RAP1A: variants seen among roughly 807,000 people sequenced by gnomAD.
RAP1A encodes RAP1A, member of RAS oncogene family.
In RAP1A, 6 loss-of-function variants were observed where a neutral mutation model predicts 26.4. The ratio of observed to expected loss-of-function variants is 0.23; its 90% confidence interval spans 0.12 to 0.45. The LOEUF (loss-of-function observed/expected upper bound fraction) is 0.45, where lower values mean the gene tolerates loss of function less well. Among genes scored for constraint, RAP1A ranks in the 20% least tolerant of loss-of-function variants. The pLI is 0.99. For synonymous variants in RAP1A, 73 were observed against 79.4 expected (o/e 0.92, Z 0.43); for missense variants, 121 against 217.2 (o/e 0.56, Z 2.78).
At chr1:111,604,376 A>G (rs1046735278) in intron 1 of RAP1A, 8 of 152,156 alleles carry the variant, frequency 5.3e-5, no homozygotes, top group African/African-American at 1.9e-4. Flanking sequence ...CACCTGCTCA[A>G]TGCTTCCCCT....
intron 7 of RAP1A, among the ~76,000 whole-genome samples, chr1:111,711,074 C>T (rs926119282): frequency 3.9e-5 from 6 of 152,088 alleles, no homozygotes; most frequent in Admixed American, 2.6e-4. Context: ...TCAGGTGATC[C>T]GATCCACCTG....
intron 1 of RAP1A, among the ~76,000 whole-genome samples, chr1:111,594,015 A>G (rs1284320915): frequency 6.6e-6 from 1 of 152,194 alleles, no homozygotes; most frequent in Non-Finnish European, 1.5e-5. Context: ...GCTTACAAAC[A>G]GAGGAAAACA....
chr1:111,700,573 T>G (rs535472817), intron 4 of RAP1A, among the ~76,000 whole-genome samples: 19 of 152,336 alleles, frequency 1.2e-4, no homozygotes, highest in African/African-American at 4.6e-4. Flanking sequence ...GCATAAGGTT[T>G]GGAGGTGACA....
intron 1 of RAP1A, among the ~76,000 whole-genome samples, chr1:111,631,760 T>G (rs903138996): frequency 6.6e-6 from 1 of 152,210 alleles, no homozygotes; most frequent in Non-Finnish European, 1.5e-5. Flanking sequence ...GAAAATTTCT[T>G]CAGAAATAAA....
chr1:111,576,687 C>T (rs1027568965), intron 1 of RAP1A, among the ~76,000 whole-genome samples: 7 of 152,096 alleles, frequency 4.6e-5, no homozygotes, highest in Admixed American at 1.3e-4. Context: ...CTGTTTGCTC[C>T]GGCTAGCTAA....
At chr1:111,577,211 TG>T (rs1658163682) in intron 1 of RAP1A, among the ~76,000 whole-genome samples, 1 of 152,010 alleles carries the variant, frequency 6.6e-6, no homozygotes, top group African/African-American at 2.4e-5. Flanking sequence ...GAGACCAGCC[TG>T]GTCAACATGG....
intron 1 of RAP1A, among the ~76,000 whole-genome samples, chr1:111,687,100 T>C (rs1168717263): frequency 6.6e-6 from 1 of 152,154 alleles, no homozygotes; most frequent in Non-Finnish European, 1.5e-5. Flanking sequence ...TGTGATTTCC[T>C]TTCAATTCTA....
chr1:111,681,696 C>T (rs524291), intron 1 of RAP1A, among the ~76,000 whole-genome samples: 42,776 of 151,986 alleles, frequency 0.28, 6,362 homozygotes, highest in East Asian at 0.36. Flanking sequence ...AAATGTGGGA[C>T]TATGTGAAAA....
Position 111,638,484 on chromosome 1 carries a change from C to T in RAP1A, c.-28+18550C>T, listed in dbSNP as rs74969102. Among the ~76,000 whole-genome samples the T allele has an allele frequency of 1.0e-3, 155 of 152,226 alleles. 2 individuals are homozygous for T. In the East Asian group the frequency reaches 0.02, roughly 20 times the overall value. On this transcript the variant is annotated intron_variant, in intron 1 of 7. Transcript: ENST00000369709. ...TGAGACAGAATCTTAATCCTACCCC[C>T]GGGCTAGGGTGCTGTGGCAGGGTCA...
intron 1 of RAP1A, among the ~76,000 whole-genome samples, chr1:111,547,040 A>G (rs1442141946): frequency 6.6e-6 from 1 of 152,220 alleles, no homozygotes; most frequent in Non-Finnish European, 1.5e-5. Context: ...TTGTGCATCA[A>G]ATTATTTTCC....
intron 1 of RAP1A, among the ~76,000 whole-genome samples, chr1:111,593,080 G>A (rs946268860): frequency 5.9e-5 from 9 of 152,122 alleles, no homozygotes; most frequent in Non-Finnish European, 1.0e-4. Flanking sequence ...AGCTGAGTGG[G>A]TGGAGGGGGC....
chr1:111,705,481 G>T (rs1314561057), intron 6 of RAP1A, among the ~76,000 whole-genome samples: 1 of 151,940 alleles, frequency 6.6e-6, no homozygotes, highest in Non-Finnish European at 1.5e-5. Flanking sequence ...CACCTGGCAG[G>T]TAAAAAAAAA....
At chr1:111,693,075 C>A (rs1326699636) in intron 2 of RAP1A, among the ~76,000 whole-genome samples, 2 of 152,186 alleles carry the variant, frequency 1.3e-5, no homozygotes, top group African/African-American at 4.8e-5. Flanking sequence ...GAGTACCTCT[C>A]AACCTTTAGA....
intron 1 of RAP1A, among the ~76,000 whole-genome samples, chr1:111,572,748 T>A (rs749746300): frequency 3.9e-5 from 6 of 152,208 alleles, no homozygotes; most frequent in Admixed American, 6.5e-5. Flanking sequence ...TTTCTCTTTT[T>A]TTAACTTTTA....
chr1:111,547,359 T>C (rs1360077226), intron 1 of RAP1A, among the ~76,000 whole-genome samples: 2 of 152,110 alleles, frequency 1.3e-5, no homozygotes, highest in South Asian at 2.1e-4. Context: ...ATGATTTTTT[T>C]CCCTTTATCC....
chr1:111,547,120 A>G (rs1657060810), intron 1 of RAP1A, among the ~76,000 whole-genome samples: 1 of 152,172 alleles, frequency 6.6e-6, no homozygotes, highest in Non-Finnish European at 1.5e-5. Flanking sequence ...TTGGTCTTGT[A>G]TCCTTCAACT....
intron 1 of RAP1A, among the ~76,000 whole-genome samples, chr1:111,670,778 A>G (rs557718631): frequency 1.3e-5 from 2 of 152,322 alleles, no homozygotes; most frequent in African/African-American, 4.8e-5. Flanking sequence ...TAAAAGAGAG[A>G]AAAGTGCACA....
intron 6 of RAP1A, among the ~76,000 whole-genome samples, chr1:111,707,169 G>A (rs1045499535): frequency 6.6e-6 from 1 of 152,050 alleles, no homozygotes; most frequent in Non-Finnish European, 1.5e-5. Context: ...GAATGGAGCA[G>A]AAAGAAAAGA....
chr1:111,618,645 A>C (rs1418287833), upstream of RAP1A, among the ~76,000 whole-genome samples: 1 of 152,138 alleles, frequency 6.6e-6, no homozygotes, highest in East Asian at 1.9e-4. Flanking sequence ...TAAACATAAC[A>C]TGTGTAAGAA....
Sources: allele counts gnomAD v4.1 joint callset (sites outside exome capture counted in the v4.1 genomes callset), GRCh38; gene constraint gnomAD v4.1.1; transcripts MANE v1.5; gene names NCBI Gene and HGNC (gene_info 2026-07-23, HGNC 2026-07-21).